The following BTBD9 variants were observed in gnomAD, a reference collection of about 807,000 sequenced individuals.
The protein encoded by BTBD9 is BTB/POZ domain-containing protein 9.
In BTBD9, 49 loss-of-function variants were observed where a neutral mutation model predicts 64.3. The ratio of observed to expected loss-of-function variants is 0.76; its 90% CI spans 0.61 to 0.97. The LOEUF (loss-of-function observed/expected upper bound fraction) is 0.97. BTBD9 is among the 50% of genes least tolerant of loss of function. The pLI is 0.00. For synonymous variants in BTBD9, 260 were observed against 274.7 expected, an observed-to-expected ratio of 0.95 and a Z score of 0.53; for missense variants, 598 against 762.1, an observed-to-expected ratio of 0.78 and a Z score of 2.53.
chr6:38,532,259 AG>A (rs1773832958), intron 6 of BTBD9, among the ~76,000 whole-genome samples: 1 of 152,202 alleles, frequency 6.6e-6, no homozygotes, highest in Admixed American at 6.5e-5. Flanking sequence ...TCCTAGCCAG[AG>A]GGGAATTGCC....
intron 6 of BTBD9, among the ~76,000 whole-genome samples, chr6:38,556,355 A>C (rs1775010473): frequency 6.6e-6 from 1 of 152,188 alleles, no homozygotes; most frequent in South Asian, 2.1e-4. Context: ...GCAAAATTAA[A>C]ATCTTGATTT....
At chr6:38,350,680 TG>T (rs1222912176) in intron 6 of BTBD9, among the ~76,000 whole-genome samples, 1 of 152,232 alleles carries the variant, frequency 6.6e-6, no homozygotes, top group Non-Finnish European at 1.5e-5. Flanking sequence ...AGAGTTAGCC[TG>T]AGATTGGTAC....
At chr6:38,527,815 T>TTTTTTTTTTTTTTTTTTTTGAG (rs1562299662) in intron 6 of BTBD9, among the ~76,000 whole-genome samples, 1 of 151,338 alleles carries the variant, frequency 6.6e-6, no homozygotes, top group African/African-American at 2.4e-5. Context: ...ACTTTTTTTT[T>TTTTTTTTTTTTTTTTTTTTGAG]AATCATGACA....
chr6:38,320,907 C>T lies in BTBD9; in HGVS notation c.1264+24077G>A, dbSNP rs191414580. Among the ~76,000 whole-genome samples the T allele has an allele frequency of 9.9e-5, 15 of 152,234 alleles. No homozygotes were observed. In the East Asian group the frequency reaches 2.1e-3, roughly 22 times the overall value. On this transcript the variant is annotated intron_variant, in intron 7 of 10. Transcript: ENST00000481247. ...AAGGAAGAACCAATAACAATTCTAC[C>T]GACCTGCAAAAAACTATTAGCACCT...
Position 38,510,795 on chromosome 6 carries a change from T to C in BTBD9, c.1154+66805A>G, listed in dbSNP as rs898049221. On this transcript the variant is annotated intron_variant, in intron 6 of 10. Coordinates refer to ENST00000481247, the MANE Select transcript of BTBD9 (RefSeq NM_001099272.2). ...GTTAGGATCATCAATATCTCTGTCT[T>C]CCACCTCCACATCTTGTCCCACTGG... Among the ~76,000 whole-genome samples the C allele has an allele frequency of 4.6e-5, 7 of 152,274 alleles. No individual in the cohort carries two copies. In the South Asian group the frequency reaches 1.4e-3, roughly 32 times the overall value.
intron 6 of BTBD9, among the ~76,000 whole-genome samples, chr6:38,348,198 GA>G (rs1439201848): frequency 6.6e-6 from 1 of 152,186 alleles, no homozygotes; most frequent in African/African-American, 2.4e-5. Context: ...CAAGGGATAG[GA>G]ATGGGAGAGT....
intron 8 of BTBD9, among the ~76,000 whole-genome samples, chr6:38,272,351 G>A (rs2127544767): frequency 6.6e-6 from 1 of 152,254 alleles, no homozygotes; most frequent in South Asian, 2.1e-4. Context: ...GTGACCAGGA[G>A]AAAATGGATT....
chr6:38,180,084 G>A (rs1310376839), intron 10 of BTBD9, among the ~76,000 whole-genome samples: 2 of 152,222 alleles, frequency 1.3e-5, no homozygotes, highest in Non-Finnish European at 2.9e-5. Flanking sequence ...AACTGTGTAA[G>A]CCAATACCCA....
chr6:38,471,024 G>A (rs1273967116), intron 6 of BTBD9, among the ~76,000 whole-genome samples: 2 of 152,132 alleles, frequency 1.3e-5, no homozygotes, highest in Non-Finnish European at 2.9e-5. Context: ...AATCTCCATC[G>A]CAAGATGATG....
chr6:38,427,807 A>G (rs900370077), intron 6 of BTBD9, among the ~76,000 whole-genome samples: 4 of 151,998 alleles, frequency 2.6e-5, no homozygotes, highest in East Asian at 1.9e-4. Flanking sequence ...TTGACTAATT[A>G]TAATGCAGCA....
At chr6:38,519,256 G>A (rs985067110) in intron 6 of BTBD9, among the ~76,000 whole-genome samples, 2 of 152,146 alleles carry the variant, frequency 1.3e-5, no homozygotes, top group Non-Finnish European at 2.9e-5. Context: ...GGCTCATAAG[G>A]ATTTGGGTTA....
intron 6 of BTBD9, among the ~76,000 whole-genome samples, chr6:38,552,894 C>A (rs1210011922): frequency 6.6e-6 from 1 of 152,022 alleles, no homozygotes; most frequent in Non-Finnish European, 1.5e-5. Context: ...GGTTCCAGGA[C>A]CCCCAAACCC....
At chr6:38,566,786 T>C (rs2748170) in intron 6 of BTBD9, among the ~76,000 whole-genome samples, 10,878 of 152,174 alleles carry the variant, frequency 0.071, 955 homozygotes, top group African/African-American at 0.21. Flanking sequence ...TAGGTATACA[T>C]ACACACACAC....
intron 7 of BTBD9, among the ~76,000 whole-genome samples, chr6:38,296,957 G>T (rs1303561927): frequency 6.6e-6 from 1 of 152,160 alleles, no homozygotes; most frequent in Non-Finnish European, 1.5e-5. Flanking sequence ...TGCCTCAAAA[G>T]AATGTATATT....
At chr6:38,623,638 G>A (rs2127525700) in intron 1 of BTBD9, among the ~76,000 whole-genome samples, 1 of 152,260 alleles carries the variant, frequency 6.6e-6, no homozygotes, top group East Asian at 1.9e-4. Flanking sequence ...TACAGGAAAA[G>A]GCTTCTGAAA....
chr6:38,303,900 TAC>T (rs1433114756), intron 7 of BTBD9, among the ~76,000 whole-genome samples: 81 of 137,988 alleles, frequency 5.9e-4, no homozygotes, highest in African/African-American at 2.0e-3. Flanking sequence ...TGTATATATA[TAC>T]GTGTATATAT....
chr6:38,375,551 T>C (rs1327871656), intron 6 of BTBD9, among the ~76,000 whole-genome samples: 3 of 152,192 alleles, frequency 2.0e-5, no homozygotes, highest in Admixed American at 2.0e-4. Flanking sequence ...TTTTTGTCTA[T>C]CACTTGCTAA....
chr6:38,412,500 G>A (rs1767473906), intron 6 of BTBD9, among the ~76,000 whole-genome samples: 1 of 151,570 alleles, frequency 6.6e-6, no homozygotes, highest in African/African-American at 2.4e-5. Flanking sequence ...GGGAGCAGCT[G>A]AAGTCTTACG....
intron 1 of BTBD9, among the ~76,000 whole-genome samples, chr6:38,607,366 T>C (rs1173140689): frequency 6.6e-6 from 1 of 152,206 alleles, no homozygotes; most frequent in African/African-American, 2.4e-5. Context: ...AGTAATTCCA[T>C]TTTATGCATG....
Sources: gnomAD v4.1 joint callset for allele counts (sites outside exome capture counted in the v4.1 genomes callset) on GRCh38, gnomAD v4.1.1 for gene constraint, MANE v1.5 for transcripts, NCBI Gene and HGNC (gene_info 2026-07-23, HGNC 2026-07-21) for gene names.